ABCC5: variants seen among roughly 807,000 people sequenced by gnomAD.
The protein encoded by ABCC5 is ATP binding cassette subfamily C member 5.
In ABCC5, 61 loss-of-function variants were observed where a neutral mutation model predicts 160.9. The observed-to-expected ratio is 0.38, with a 90% CI of 0.31 to 0.47. The LOEUF is 0.47. ABCC5 is among the 20% of genes least tolerant of loss of function. The pLI, the probability that ABCC5 is intolerant of heterozygous loss-of-function variation, is 0.99. For synonymous variants in ABCC5, 666 were observed against 700.6 expected (o/e 0.95, Z 0.78); for missense variants, 1,308 against 1,813.3 (o/e 0.72, Z 5.06).
At chr3:183,994,172 C>G (rs958396450) in intron 2 of ABCC5, among the ~76,000 whole-genome samples, 5 of 151,868 alleles carry the variant, frequency 3.3e-5, no homozygotes, top group East Asian at 3.9e-4. Context: ...CCAGGCTAGT[C>G]TCAAACTCCT....
intron 17 of ABCC5, among the ~76,000 whole-genome samples, chr3:183,954,056 C>A (rs1715638441): frequency 6.6e-6 from 1 of 152,162 alleles, no homozygotes; most frequent in Non-Finnish European, 1.5e-5. Flanking sequence ...ACACAAATAG[C>A]CTTTTCTGTA....
Position 183,935,385 on chromosome 3 carries a change from T to C in ABCC5, c.3854+2516A>G, listed in dbSNP as rs151147754. On this transcript the variant is annotated intron_variant, in intron 26 of 29. Coordinates refer to ENST00000334444, the MANE Select transcript of ABCC5 (RefSeq NM_005688.4). ...TTAGTAGAGACGGGGTTTCAGCATA[T>C]TGGCCAGGCTGGTCTGGTACTCCTG... Among the ~76,000 whole-genome samples the C allele has an allele frequency of 1.5e-4, 22 of 144,270 alleles. No individual in the cohort carries two copies. In the East Asian group the frequency reaches 3.4e-3, roughly 22 times the overall value. The allele number at this position is 144,270 out of a possible 152,430, so 94.6% of individuals were successfully genotyped here. A position where few individuals can be genotyped will look rare whatever the true frequency, so the allele number is the denominator to read the frequency against.
Position 183,977,979 on chromosome 3 carries a change from C to T in ABCC5, c.1297-355G>A, listed in dbSNP as rs557165076. Among the ~76,000 whole-genome samples the T allele has an allele frequency of 1.4e-4, 21 of 152,320 alleles. 1 individual carries two copies. The South Asian group carries it at 4.4e-3, about 32-fold the overall frequency. On this transcript the variant is annotated intron_variant, in intron 9 of 29. Transcript: ENST00000334444. ...TGTTGGCCAGGCTGGTCTCAAACTTCTGACCTCAAGTGATCCGCCCGCCTC... is the reference window on the plus strand; with the variant it reads ...TGTTGGCCAGGCTGGTCTCAAACTTTTGACCTCAAGTGATCCGCCCGCCTC...
intron 10 of ABCC5, among the ~76,000 whole-genome samples, chr3:183,976,801 A>G (rs1325655345): frequency 6.6e-6 from 1 of 152,166 alleles, no homozygotes; most frequent in African/African-American, 2.4e-5. Context: ...GAGCTAATCT[A>G]TGCAGTGGCA....
At position 184,001,211 on chromosome 3, in the gene ABCC5, C is replaced by T. The variant is rs1157348656; in HGVS notation, c.130-11828G>A. ...GACGCTGCAGTGAGCCATGGTCATG[C>T]CACCGCACTACAGTCTGGGTGACAG... On this transcript the variant is annotated intron_variant, in intron 2 of 29. Coordinates refer to ENST00000334444, the MANE Select transcript of ABCC5 (RefSeq NM_005688.4). 7.6e-6 allele frequency: 4 copies of T among 529,608 alleles called. No homozygotes were observed. The East Asian group carries it at 9.1e-5, about 12-fold the overall frequency. The allele number at this position is 529,608 out of a possible 1,614,324, so 32.8% of individuals were successfully genotyped here.
At position 183,956,140 on chromosome 3, in the gene ABCC5, ACATGCAGATCCGTGTGTAAATCACATCG is replaced by A. The variant is rs1357864950; in HGVS notation, c.2483-2898_2483-2871del. On this transcript the variant is annotated intron_variant, in intron 17 of 29. Coordinates refer to ENST00000334444, the MANE Select transcript of ABCC5 (RefSeq NM_005688.4). ...GCTCCGTGTGTATATCACATCGGTTACATGCAGATCCGTGTGTAAATCACATCGGTTACATGCAGATCCGTGTGTAAAT... is the reference window on the plus strand; with the variant it reads ...GCTCCGTGTGTATATCACATCGGTTAGTTACATGCAGATCCGTGTGTAAAT... 3.7e-4 allele frequency among the ~76,000 whole-genome samples: 49 copies of A among 131,148 alleles called. 1 individual carries two copies. Among genetic ancestry groups the A allele is most frequent in the African/African-American group, 1.3e-3 (48 of 36,768 alleles). The allele number at this position is 131,148 out of a possible 152,430, so 86.0% of individuals were successfully genotyped here.
chr3:183,935,164 C>A (rs745352222), intron 26 of ABCC5, among the ~76,000 whole-genome samples: 1 of 151,922 alleles, frequency 6.6e-6, no homozygotes, highest in Non-Finnish European at 1.5e-5. Context: ...CAGGCATGAG[C>A]CACCACGCCT....
chr3:184,006,048 C>T (rs1053218129), intron 2 of ABCC5, among the ~76,000 whole-genome samples: 1 of 152,050 alleles, frequency 6.6e-6, no homozygotes, highest in Non-Finnish European at 1.5e-5. Context: ...TTGCAGCAAA[C>T]GGCATAAGAG....
intron 12 of ABCC5, 101 bp downstream of exon 12, chr3:183,967,594 T>C: frequency 2.9e-6 from 3 of 1,036,868 alleles, no homozygotes; most frequent in South Asian, 1.3e-5. Flanking sequence ...AGGGTTCATT[T>C]GTTTCCACCT....
At chr3:183,936,215 A>T (rs1713704691) in intron 26 of ABCC5, among the ~76,000 whole-genome samples, 1 of 152,140 alleles carries the variant, frequency 6.6e-6, no homozygotes, top group African/African-American at 2.4e-5. Context: ...GGACAGAACA[A>T]GACAACCATC....
chr3:183,940,774 C>G (rs983094398), intron 25 of ABCC5, among the ~76,000 whole-genome samples: 1 of 152,118 alleles, frequency 6.6e-6, no homozygotes, highest in Non-Finnish European at 1.5e-5. Flanking sequence ...CCTTGACTGA[C>G]ATGACCACAG....
Position 183,921,355 on chromosome 3 carries a change from G to T in ABCC5, c.4259C>A (p.Ser1420Tyr). Residue 1420 changes from serine (S) to tyrosine (Y), a missense_variant, in exon 30 of 30, where the codon TCC (serine) becomes TAC (tyrosine). By Grantham distance (144) the Ser-to-Tyr change is moderately radical. Coordinates refer to ENST00000334444, the MANE Select transcript of ABCC5 (RefSeq NM_005688.4). The surrounding 1 kb of genome is among the most constrained non-coding windows in gnomAD (Gnocchi z 4.1). Reference protein sequence around the residue: ...TPSVLLSNDSSRFYAMFAAAE... With the variant: ...TPSVLLSNDSYRFYAMFAAAE... ...AGCAGCAAACATGGCATAGAATCGG[G>T]AACTGTCGTTGGACAGAAGGACCGA... 1 of 1,613,114 alleles carries T rather than the reference G, an allele frequency of 6.2e-7. No homozygotes were observed. The highest frequency in any genetic ancestry group is 8.5e-7 in the Non-Finnish European group (1 of 1,179,432).
intron 11 of ABCC5, among the ~76,000 whole-genome samples, chr3:183,969,267 T>A (rs1045432245): frequency 1.3e-5 from 2 of 152,052 alleles, no homozygotes; most frequent in African/African-American, 4.8e-5. Flanking sequence ...AAAATGAGGG[T>A]CAACATACAA....
intron 16 of ABCC5, among the ~76,000 whole-genome samples, chr3:183,961,145 T>A (rs1245866664): frequency 1.3e-5 from 2 of 152,154 alleles, no homozygotes; most frequent in Non-Finnish European, 2.9e-5. Flanking sequence ...CTTTATTCAC[T>A]TGTTTATTTA....
chr3:183,958,108 G>C (rs911072304), intron 17 of ABCC5, among the ~76,000 whole-genome samples: 3 of 152,214 alleles, frequency 2.0e-5, no homozygotes, highest in Non-Finnish European at 4.4e-5. Flanking sequence ...TTATCCGTGT[G>C]TATATCACAT....
rs535870214 is a variant in ABCC5, at chr3:183,974,330, C to T, written c.1405-2411G>A. 4.6e-5 allele frequency among the ~76,000 whole-genome samples: 7 copies of T among 152,220 alleles called. No homozygotes were observed. In the South Asian group the frequency reaches 1.5e-3, roughly 32 times the overall value. On this transcript the variant is annotated intron_variant, in intron 10 of 29. Coordinates refer to ENST00000334444, the MANE Select transcript of ABCC5 (RefSeq NM_005688.4). ...TAATGTATTTATTTATTTTTTGAGA[C>T]AGGATCTCACTCTGTCACCCAGGCT...
At chr3:183,991,457 C>CTT (rs1719762156) in intron 2 of ABCC5, among the ~76,000 whole-genome samples, 2 of 152,170 alleles carry the variant, frequency 1.3e-5, no homozygotes, top group Non-Finnish European at 2.9e-5. Flanking sequence ...CACCAAAGAA[C>CTT]AGCGGGAACT....
intron 26 of ABCC5, among the ~76,000 whole-genome samples, chr3:183,936,314 G>A (rs1177819912): frequency 6.6e-6 from 1 of 152,094 alleles, no homozygotes; most frequent in Non-Finnish European, 1.5e-5. Context: ...TGTTGTTTAA[G>A]CCACCCAGTC....
At chr3:183,964,721 A>G (rs1717059384) in intron 14 of ABCC5, among the ~76,000 whole-genome samples, 1 of 152,230 alleles carries the variant, frequency 6.6e-6, no homozygotes, top group Non-Finnish European at 1.5e-5. Flanking sequence ...TTAACACTGA[A>G]GAGCACAAAT....
Sources: allele counts gnomAD v4.1 joint callset (sites outside exome capture counted in the v4.1 genomes callset), GRCh38; gene constraint gnomAD v4.1.1; non-coding constraint Gnocchi (gnomAD v3.1); transcripts MANE v1.5; gene names NCBI Gene and HGNC (gene_info 2026-07-23, HGNC 2026-07-21).